PCGF2: variants seen among roughly 807,000 people sequenced by gnomAD.
PCGF2 encodes polycomb group ring finger 2, also known as polycomb group RING finger protein 2.
In PCGF2, 8 loss-of-function variants were observed where a neutral mutation model predicts 36.1. That is an observed-to-expected ratio of 0.22 (90% CI 0.13 to 0.40). The LOEUF is 0.40. PCGF2 is among the 10% of genes least tolerant of loss of function. PCGF2 has a pLI of 1.00. For synonymous variants in PCGF2, 198 were observed against 191.2 expected, an observed-to-expected ratio of 1.04 and a Z score of -0.29; for missense variants, 436 against 475.9, an observed-to-expected ratio of 0.92 and a Z score of 0.78.
chr17:38,739,728 CT>C lies in PCGF2; in HGVS notation c.113-47del, dbSNP rs1907048264. 2 of 1,412,782 alleles carry C rather than the reference CT, an allele frequency of 1.4e-6. No homozygotes were observed. Among genetic ancestry groups the C allele is most frequent in the Non-Finnish European group, 2.0e-6 (2 of 996,598 alleles). The allele number at this position is 1,412,782 out of a possible 1,614,324, so 87.5% of individuals were successfully genotyped here. ...GAGGAGAGTCAGAGCCAACTTCCAA[CT>C]CCAGGACCAGCCTCCCCGCCCTCTG... is the stretch of plus-strand genomic sequence containing the variant. On this transcript the variant is annotated intron_variant, in intron 3 of 10. Transcript: ENST00000620225. The surrounding 1 kb of genome is among the most constrained non-coding windows in gnomAD (Gnocchi z 4.0).
chr17:38,746,842 C>A (rs2143158440), intron 2 of PCGF2, among the ~76,000 whole-genome samples: 1 of 152,332 alleles, frequency 6.6e-6, no homozygotes, highest in South Asian at 2.1e-4. Context: ...CGTGGGAAAA[C>A]CTTCCCACCA....
At chr17:38,746,925 A>G (rs572022937) in intron 2 of PCGF2, among the ~76,000 whole-genome samples, 7 of 152,162 alleles carry the variant, frequency 4.6e-5, no homozygotes, top group Non-Finnish European at 1.0e-4. Context: ...GGGAGGGAGG[A>G]GAGAAATTAA....
At chr17:38,744,459 G>A (rs1907415312) in intron 2 of PCGF2, among the ~76,000 whole-genome samples, 1 of 152,056 alleles carries the variant, frequency 6.6e-6, no homozygotes, top group Admixed American at 6.5e-5. Context: ...GGATTGAAGC[G>A]ATTCTCCTGC....
At position 38,735,527 on chromosome 17, in the gene PCGF2, G is replaced by C; in HGVS notation, c.731C>G (p.Pro244Arg). 1.9e-6 allele frequency: 3 copies of C among 1,590,842 alleles called. No individual in the cohort carries two copies. The highest frequency in any genetic ancestry group is 1.1e-5 in the South Asian group (1 of 87,542). Residue 244 changes from proline to arginine, a missense_variant, in exon 11 of 11, where the codon CCC (proline) becomes CGC (arginine). Physicochemically the swap from Pro to Arg is moderately radical, Grantham distance 103. This residue lies in a region of PCGF2 where 227 missense variants were observed against 212.9 expected (regional missense o/e 1.07). Coordinates refer to ENST00000620225, the MANE Select transcript of PCGF2 (RefSeq NM_007144.3). ...CCCGCTGGTGTTGGTGCCCTCGGAG[G>C]GGGTGGGCACCGTGGCTAGGGTGAG... ...KRLTLATVPTPSEGTNTSGAS... is the reference protein window; with the variant it reads ...KRLTLATVPTRSEGTNTSGAS...
intron 2 of PCGF2, among the ~76,000 whole-genome samples, chr17:38,742,836 T>C (rs1040091919): frequency 6.6e-6 from 1 of 152,222 alleles, no homozygotes; most frequent in South Asian, 2.1e-4. Flanking sequence ...TTCCTGTGAC[T>C]GCCTGTCAGT....
intron 9 of PCGF2, 108 bp from the exon 10 acceptor site, chr17:38,736,278 G>A: frequency 1.4e-6 from 1 of 713,352 alleles, no homozygotes; most frequent in Non-Finnish European, 2.5e-6. Flanking sequence ...ATTTACAGAT[G>A]GTCCCTTATT....
chr17:38,737,935 A>G (rs1906891997), intron 9 of PCGF2, among the ~76,000 whole-genome samples: 1 of 150,812 alleles, frequency 6.6e-6, no homozygotes, highest in South Asian at 2.1e-4. Context: ...AAAAGGAAAT[A>G]TGGAATCTAC....
rs79477897 is a variant in PCGF2 at position 38,736,652 on chromosome 17, G to A, written c.577-482C>T. Among the ~76,000 whole-genome samples, 8 of 152,026 alleles carry A rather than the reference G, an allele frequency of 5.3e-5. No individual in the cohort carries two copies. In the East Asian group the frequency reaches 1.4e-3, roughly 26 times the overall value. ...GATCGAGACCATCCTGGCTAACGTG[G>A]TGAAACCCCGTCTCTACTAAAAATA... On this transcript the variant is annotated intron_variant, in intron 9 of 10. Coordinates refer to ENST00000620225, the MANE Select transcript of PCGF2 (RefSeq NM_007144.3).
intron 2 of PCGF2, 147 bp from the exon 3 acceptor site, chr17:38,740,589 C>G: frequency 1.7e-6 from 1 of 581,798 alleles, no homozygotes; most frequent in Non-Finnish European, 3.0e-6. Flanking sequence ...GAAACCCCAT[C>G]TCTACTAAAA....
rs924068712 is a variant in PCGF2, at chr17:38,734,842, C to T, written c.*381G>A. Reference sequence around the variant, plus strand: ...GGGTCTGAAGGGGCCCCCAACACACCACCTGCCTTGGGAAACAGCGAGGAT... The same window carrying T: ...GGGTCTGAAGGGGCCCCCAACACACTACCTGCCTTGGGAAACAGCGAGGAT... On this transcript the variant is annotated 3_prime_UTR_variant, in exon 11 of 11. Coordinates refer to ENST00000620225, the MANE Select transcript of PCGF2 (RefSeq NM_007144.3). The T allele has an allele frequency of 6.1e-6, 1 of 164,352 alleles. No homozygotes were observed. Among genetic ancestry groups the T allele is most frequent in the African/African-American group, 2.4e-5 (1 of 41,884 alleles). The allele number at this position is 164,352 out of a possible 1,614,324, so 10.2% of individuals were successfully genotyped here.
At position 38,739,772 on chromosome 17, in the gene PCGF2, C is replaced by A; in HGVS notation, c.113-90G>T. On this transcript the variant is annotated intron_variant, in intron 3 of 10. Transcript: ENST00000620225. This position sits in a 1 kb window ranked among gnomAD's most constrained non-coding sequence, Gnocchi z 4.0. ...GCCCTCTGCTCAGACTCAGATATCC[C>A]TCCTCCTCCACCCTGTCCCTGCTCC... The A allele has an allele frequency of 1.1e-6, 1 of 919,868 alleles. No individual in the cohort carries two copies. The allele number at this position is 919,868 out of a possible 1,614,324, so 57.0% of individuals were successfully genotyped here.
intron 9 of PCGF2, among the ~76,000 whole-genome samples, chr17:38,737,728 A>G (rs1906874629): frequency 6.6e-6 from 1 of 151,786 alleles, no homozygotes; most frequent in Non-Finnish European, 1.5e-5. Flanking sequence ...CCTGGCCAAC[A>G]TGGTGAAACC....
chr17:38,735,698 ACTCG>A lies in PCGF2; in HGVS notation c.658-102_658-99del. The A allele has an allele frequency of 8.4e-6, 12 of 1,425,680 alleles. No homozygotes were observed. In the South Asian group the frequency reaches 8.7e-5, roughly 10 times the overall value. The allele number at this position is 1,425,680 out of a possible 1,614,324, so 88.3% of individuals were successfully genotyped here. A position where few individuals can be genotyped will look rare whatever the true frequency, so the allele number is the denominator to read the frequency against. On this transcript the variant is annotated intron_variant, in intron 10 of 10. Coordinates refer to ENST00000620225, the MANE Select transcript of PCGF2 (RefSeq NM_007144.3). ...ACCATCTCCACCCCACAGTGTCCAA[ACTCG>A]AAAAAAGGGATGGGATGGGGCCTTG...
At position 38,739,101 on chromosome 17, in the gene PCGF2, G is replaced by A. The variant is rs200480241; in HGVS notation, c.283C>T (p.Arg95Trp). 10 of 1,613,804 alleles carry A rather than the reference G, an allele frequency of 6.2e-6. No homozygotes were observed. The highest frequency in any genetic ancestry group is 4.0e-5 in the African/African-American group (3 of 75,010). The change falls in exon 6 of 11, where the codon CGG becomes TGG. Residue 95 changes from arginine (R) to tryptophan (W), a missense_variant. Arg to Trp is a moderately radical substitution (Grantham distance 101, BLOSUM62 -3). Coordinates refer to ENST00000620225, the MANE Select transcript of PCGF2 (RefSeq NM_007144.3). This position sits in a 1 kb window ranked among gnomAD's most constrained non-coding sequence, Gnocchi z 4.0. ...AGGGGGTACGCTGCATAGAAATCCC[G>A]CCGCCGTTTCATCTCATCTGGAAGA... ...GLFKDEMKRR[R>W]DFYAAYPLTE...
intron 9 of PCGF2, among the ~76,000 whole-genome samples, chr17:38,736,632 A>G (rs1906758453): frequency 6.6e-6 from 1 of 151,872 alleles, no homozygotes; most frequent in Admixed American, 6.6e-5. Context: ...CAGGAGATCG[A>G]GACCATCCTG....
chr17:38,735,282 A>G lies in PCGF2; in HGVS notation c.976T>C (p.Ser326Pro), dbSNP rs1367282284. ...GTCATCTTGCGCCCCCTGCTGGTGG[A>G]GGATGGTGTCTGCAGGCAGTTCAAG... Reference protein sequence around the residue: ...GSLNCLQTPSSTSRGRKMTVN... With the variant: ...GSLNCLQTPSPTSRGRKMTVN... Residue 326 changes from serine (S) to proline (P), a missense_variant, in exon 11 of 11, where the codon TCC (serine) becomes CCC (proline). Ser to Pro is a moderately conservative substitution (Grantham distance 74, BLOSUM62 -1). Transcript: ENST00000620225. 2 of 1,482,478 alleles carry G rather than the reference A, an allele frequency of 1.3e-6. No individual in the cohort carries two copies. The highest frequency in any genetic ancestry group is 1.4e-5 in the South Asian group (1 of 73,360). 91.8% of individuals were successfully genotyped at this position (1,482,478 alleles called of 1,614,324 possible).
chr17:38,737,002 C>T lies in PCGF2; in HGVS notation c.577-832G>A, dbSNP rs559238520. ...ACAGAATTAGCCGGGTGTGGTGCCA[C>T]ATGCCTGTATCCCAGCTACTCGGGA... is the stretch of plus-strand genomic sequence containing the variant. On this transcript the variant is annotated intron_variant, in intron 9 of 10. Transcript: ENST00000620225. Among the ~76,000 whole-genome samples the T allele has an allele frequency of 1.2e-4, 18 of 150,850 alleles. No homozygotes were observed. The South Asian group carries it at 3.8e-3, about 32-fold the overall frequency.
At chr17:38,741,323 T>C (rs568052324) in intron 2 of PCGF2, among the ~76,000 whole-genome samples, 2 of 152,096 alleles carry the variant, frequency 1.3e-5, no homozygotes, top group Non-Finnish European at 1.5e-5. Context: ...TTCACTCACA[T>C]GGTCCACATT....
Position 38,738,153 on chromosome 17 carries a change from T to G in PCGF2, c.576+200A>C, listed in dbSNP as rs536586013. Among the ~76,000 whole-genome samples the G allele has an allele frequency of 3.3e-5, 5 of 152,306 alleles. No individual in the cohort carries two copies. The South Asian group carries it at 1.0e-3, about 32-fold the overall frequency. ...ACACATACACACCGTCTTGGTCCCA[T>G]GCACCACTGCACACTGACTTCAACA... On this transcript the variant is annotated intron_variant, in intron 9 of 10. Coordinates refer to ENST00000620225, the MANE Select transcript of PCGF2 (RefSeq NM_007144.3).
Sources: allele counts gnomAD v4.1 joint callset (sites outside exome capture counted in the v4.1 genomes callset), GRCh38; gene constraint gnomAD v4.1.1; regional missense constraint gnomAD v4.1.1; non-coding constraint Gnocchi (gnomAD v3.1); transcripts MANE v1.5; gene names NCBI Gene and HGNC (gene_info 2026-07-23, HGNC 2026-07-21).